Variants in DUOX2 observed in about 807,000 individuals in gnomAD.
The protein encoded by DUOX2 is dual oxidase 2, also known as NADH/NADPH thyroid oxidase p138-tox.
In DUOX2, 185 loss-of-function variants were observed where a neutral mutation model predicts 183.3. That is an observed-to-expected ratio of 1.01 (90% CI 0.90 to 1.14). DUOX2 has a LOEUF of 1.14. DUOX2 is among the 50% of genes most tolerant of loss of function. The pLI is 0.00. For synonymous variants in DUOX2, 788 were observed against 812.4 expected, an observed-to-expected ratio of 0.97 and a Z score of 0.51; for missense variants, 1,999 against 2,022.9, an observed-to-expected ratio of 0.99 and a Z score of 0.23.
Position 45,106,241 on chromosome 15 carries a change from G to A in DUOX2, c.2032C>T (p.His678Tyr). Reference protein sequence around the residue: ...SDRCLQVLNRHLTVLRVVQLQ... With the variant: ...SDRCLQVLNRYLTVLRVVQLQ... ...TGGACCACACGGAGCACAGTGAGATGCCTGTTCAGGACCTGCAGACACCTG... is the reference window on the plus strand; with the variant it reads ...TGGACCACACGGAGCACAGTGAGATACCTGTTCAGGACCTGCAGACACCTG... Residue 678 changes from histidine (H) to tyrosine (Y), a missense_variant, in exon 17 of 34, where the codon CAT (histidine) becomes TAT (tyrosine). His to Tyr is a moderately conservative substitution (Grantham distance 83). This residue lies in a region of DUOX2 where 1,628 missense variants were observed against 1,608.6 expected (regional missense o/e 1.01). Coordinates refer to ENST00000389039, the MANE Select transcript of DUOX2 (RefSeq NM_001363711.2). 1.2e-6 allele frequency: 2 copies of A among 1,614,126 alleles called. No homozygotes were observed. The highest frequency in any genetic ancestry group is 1.3e-5 in the African/African-American group (1 of 75,030).
intron 29 of DUOX2, among the ~76,000 whole-genome samples, chr15:45,096,720 T>C (rs1177647321): frequency 6.6e-6 from 1 of 152,204 alleles, no homozygotes; most frequent in African/African-American, 2.4e-5. Flanking sequence ...TGAAATAACA[T>C]TGCAATGAGA....
Position 45,108,945 on chromosome 15 carries a change from C to A in DUOX2, c.1242G>T (p.Trp414Cys), listed in dbSNP as rs1010451422. The change falls in exon 12 of 34, where the codon TGG (tryptophan) becomes TGT (cysteine). Residue 414 changes from tryptophan to cysteine, a missense_variant. Coordinates refer to ENST00000389039, the MANE Select transcript of DUOX2 (RefSeq NM_001363711.2). ...NIVVEDLRDY[W>C]PGPGKFSRTD... is the part of the protein sequence containing the mutation. The stretch of plus-strand genomic sequence containing the variant: ...TACGGGAGAATTTGCCAGGGCCAGG[C>A]CAGTAATCTGAAGAGGAGAGAAGAC... 6.2e-7 allele frequency: 1 copy of A among 1,614,076 alleles called. No individual in the cohort carries two copies. Among genetic ancestry groups the A allele is most frequent in the African/African-American group, 1.3e-5 (1 of 74,934 alleles).
rs138005153 is a variant in DUOX2 at position 45,113,327 on chromosome 15, G to T, written c.70+15C>A. The T allele has an allele frequency of 1.7e-4, 258 of 1,556,476 alleles. 4 individuals are homozygous for T. In the African/African-American group the frequency reaches 3.3e-3, roughly 20 times the overall value. ...CCTGGGGAACACCCCGCCGCTAGAGGAGCCTGATACTTGCCCGATGGACCC... is the reference window on the plus strand; with the variant it reads ...CCTGGGGAACACCCCGCCGCTAGAGTAGCCTGATACTTGCCCGATGGACCC... On this transcript the variant is annotated intron_variant, in intron 2 of 33. Coordinates refer to ENST00000389039, the MANE Select transcript of DUOX2 (RefSeq NM_001363711.2).
intron 9 of DUOX2, 41 bp downstream of exon 9, chr15:45,110,387 T>G (rs536890454): frequency 7.0e-6 from 11 of 1,574,496 alleles, no homozygotes; most frequent in African/African-American, 1.4e-5. Flanking sequence ...ATTCTGCACC[T>G]TTCTTAGTGT....
In DUOX2 at chr15:45,111,484, C is replaced by T. The variant is rs752976319; in HGVS notation, c.615G>A (p.Ser205=). The change falls in exon 6 of 34, where the codon TCG becomes TCA. Residue 205 remains serine (S), a synonymous_variant. Transcript: ENST00000389039. ...CTCGGGGGAAAGCGGGGTCGGGCCC[C>T]GACGCCAGCTGTCCCCCCGAGAAGC... ...LRSFSGGQLA[S]GPDPAFPRDS... The T allele has an allele frequency of 2.0e-5, 31 of 1,551,066 alleles. 1 individual carries two copies. The highest frequency in any genetic ancestry group is 2.5e-5 in the Non-Finnish European group (29 of 1,150,670).
rs1366199296 is a variant in DUOX2 at position 45,093,340 on chromosome 15, G to T, written c.*810C>A. The T allele has an allele frequency of 6.6e-6, 1 of 152,302 alleles. No individual in the cohort carries two copies. Among genetic ancestry groups the T allele is most frequent in the East Asian group, 1.9e-4 (1 of 5,190 alleles). 9.4% of individuals were successfully genotyped at this position (152,302 alleles called of 1,614,324 possible). ...GAGGCTGGAATCCTTCAGCCCCAGA[G>T]CCCAGGGACCACTCCAGTAGATGCA... On this transcript the variant is annotated 3_prime_UTR_variant, in exon 34 of 34. Coordinates refer to ENST00000389039, the MANE Select transcript of DUOX2 (RefSeq NM_001363711.2).
rs762999576 is a variant in DUOX2, at chr15:45,095,062, C to A, written c.4269G>T (p.Gln1423His). Residue 1423 changes from glutamine (Q) to histidine (H), a missense_variant, in exon 32 of 34, where the codon CAG (glutamine) becomes CAT (histidine). This residue lies in a region of DUOX2 where 1,628 missense variants were observed against 1,608.6 expected (regional missense o/e 1.01). Coordinates refer to ENST00000389039, the MANE Select transcript of DUOX2 (RefSeq NM_001363711.2). ...TGTCAGCCAGCCACTCAAACTGACGCTGGGTCCGTGTCACCCAGATGAAGT... is the reference window on the plus strand; with the variant it reads ...TGTCAGCCAGCCACTCAAACTGACGATGGGTCCGTGTCACCCAGATGAAGT... ...KIYFIWVTRT[Q>H]RQFEWLADII... 6.2e-7 allele frequency: 1 copy of A among 1,614,128 alleles called. No individual in the cohort carries two copies. Among genetic ancestry groups the A allele is most frequent in the South Asian group, 1.1e-5 (1 of 91,086 alleles).
intron 13 of DUOX2, 102 bp downstream of exon 13, chr15:45,107,945 T>G: frequency 7.3e-7 from 1 of 1,363,050 alleles, no homozygotes. Context: ...TGTGGTGGGC[T>G]GACTGGGAAT....
At chr15:45,112,773 C>A in intron 3 of DUOX2, 55 bp from the exon 4 acceptor site, 1 of 1,605,554 alleles carries the variant, frequency 6.2e-7, no homozygotes, top group South Asian at 1.1e-5. Flanking sequence ...TAGGATCCCC[C>A]AAACCTCTCC....
chr15:45,097,877 G>A, intron 27 of DUOX2, 132 bp downstream of exon 27: 3 of 1,550,324 alleles, frequency 1.9e-6, no homozygotes, highest in Non-Finnish European at 2.7e-6. Context: ...TGCCTGGAGG[G>A]ATTTGAGCTG....
chr15:45,097,659 C>T lies in DUOX2; in HGVS notation c.3648G>A (p.Arg1216=). 7 of 1,614,208 alleles carry T rather than the reference C, an allele frequency of 4.3e-6. No homozygotes were observed. Among genetic ancestry groups the T allele is most frequent in the Non-Finnish European group, 5.9e-6 (7 of 1,180,052 alleles). Residue 1216 remains arginine, a synonymous_variant, in exon 28 of 34, where the codon CGG becomes CGA. Coordinates refer to ENST00000389039, the MANE Select transcript of DUOX2 (RefSeq NM_001363711.2). ...ASHHFRRRSF[R]GFWLTHHLYI... ...AGAGGTGGTGGGTCAGCCAGAAGCC[C>T]CGGAAGCTGCGGCGGCGGAAGTGGT... is the stretch of plus-strand genomic sequence containing the variant.
chr15:45,111,330 G>A (rs1894391625), intron 6 of DUOX2, 53 bp from the exon 7 acceptor site: 1 of 1,400,456 alleles, frequency 7.1e-7, no homozygotes, highest in Admixed American at 2.8e-5. Flanking sequence ...CGTGATCGGG[G>A]GAGCCCACAC....
chr15:45,100,203 A>G lies in DUOX2; in HGVS notation c.3031T>C (p.Tyr1011His). 1.2e-6 allele frequency: 2 copies of G among 1,613,934 alleles called. No homozygotes were observed. The highest frequency in any genetic ancestry group is 1.7e-6 in the Non-Finnish European group (2 of 1,179,998). Reference sequence around the variant, plus strand: ...ATCTTCTCTTGCAGCGCCTCTGTGTACAGCCGGGGAGTGGGCACTGCTGCC... The same window carrying G: ...ATCTTCTCTTGCAGCGCCTCTGTGTGCAGCCGGGGAGTGGGCACTGCTGCC... ...KKAAVPTPRL[Y>H]TEALQEKMQR... Residue 1011 changes from tyrosine to histidine, a missense_variant, in exon 24 of 34, where the codon TAC becomes CAC. Physicochemically the swap from Tyr to His is moderately conservative, Grantham distance 83. Transcript: ENST00000389039.
chr15:45,113,284 G>C (rs1595530470), intron 2 of DUOX2, 58 bp downstream of exon 2: 2 of 1,537,894 alleles, frequency 1.3e-6, no homozygotes, highest in African/African-American at 1.4e-5. Context: ...ACCTCTCCCC[G>C]CCCCACCTCC....
Position 45,106,812 on chromosome 15 carries a change from G to A in DUOX2, c.1831+20C>T. On this transcript the variant is annotated intron_variant, in intron 15 of 33. Transcript: ENST00000389039. The stretch of plus-strand genomic sequence containing the variant: ...ATGAGGGGCAGGGCCAGTCTGCAGA[G>A]AGGCTGCCTAAGAGCTCACCTAAGG... 6.3e-7 allele frequency: 1 copy of A among 1,597,972 alleles called. No homozygotes were observed. Among genetic ancestry groups the A allele is most frequent in the Non-Finnish European group, 8.5e-7 (1 of 1,172,830 alleles).
Position 45,106,509 on chromosome 15 carries a change from C to T in DUOX2, c.1945+19G>A, listed in dbSNP as rs374649091. On this transcript the variant is annotated intron_variant, in intron 16 of 33. Coordinates refer to ENST00000389039, the MANE Select transcript of DUOX2 (RefSeq NM_001363711.2). Reference sequence around the variant, plus strand: ...CCCTCCTCCGTCCCTCCTCCCTCCTCTGCCCAGCCCCTGCTCACCTGGCAC... The same window carrying T: ...CCCTCCTCCGTCCCTCCTCCCTCCTTTGCCCAGCCCCTGCTCACCTGGCAC... 1.2e-6 allele frequency: 2 copies of T among 1,612,988 alleles called. No homozygotes were observed. The highest frequency in any genetic ancestry group is 8.5e-7 in the Non-Finnish European group (1 of 1,179,048).
intron 21 of DUOX2, 87 bp from the exon 22 acceptor site, chr15:45,101,361 A>G (rs1894077508): frequency 8.5e-7 from 1 of 1,170,714 alleles, no homozygotes; most frequent in Non-Finnish European, 1.3e-6. Context: ...CCTTCTGGGA[A>G]AGTCATGTCC....
chr15:45,102,486 C>T (rs1894108682), intron 20 of DUOX2, among the ~76,000 whole-genome samples: 1 of 152,224 alleles, frequency 6.6e-6, no homozygotes, highest in South Asian at 2.1e-4. Context: ...AACCTGATAG[C>T]ACCCACAGTG....
intron 4 of DUOX2, 149 bp downstream of exon 4, chr15:45,112,405 G>C (rs1360580654): frequency 4.1e-6 from 4 of 971,424 alleles, no homozygotes; most frequent in Non-Finnish European, 4.5e-6. Flanking sequence ...AAATCTCTCC[G>C]AGATGAAGGC....
Sources: allele counts gnomAD v4.1 joint callset (sites outside exome capture counted in the v4.1 genomes callset), GRCh38; gene constraint gnomAD v4.1.1; regional missense constraint gnomAD v4.1.1; transcripts MANE v1.5; gene names NCBI Gene and HGNC (gene_info 2026-07-23, HGNC 2026-07-21).